Variants in XPO6 observed in about 807,000 individuals in gnomAD.
The protein encoded by XPO6 is exportin-6.
XPO6 carries 3 observed loss-of-function variants against 130.0 expected under a neutral mutation model. The observed-to-expected ratio is 0.02, with a 90% CI of 0.01 to 0.06. XPO6 has a LOEUF of 0.06. Ranked by LOEUF, XPO6 falls within the 10% of genes least tolerant of loss-of-function variation. The pLI is 1.00. For synonymous variants in XPO6, 524 were observed against 548.9 expected (o/e 0.95, Z 0.63); for missense variants, 970 against 1,393.0 (o/e 0.70, Z 4.83).
intron 6 of XPO6, among the ~76,000 whole-genome samples, chr16:28,157,008 C>T (rs751142509): frequency 6.6e-6 from 1 of 151,724 alleles, no homozygotes; most frequent in Non-Finnish European, 1.5e-5. Flanking sequence ...AAGTTGGGCA[C>T]CAAATGAAGT....
intron 5 of XPO6, 68 bp downstream of exon 5, chr16:28,169,682 G>A (rs2043418260): frequency 3.8e-6 from 6 of 1,575,266 alleles, no homozygotes; most frequent in Admixed American, 3.6e-5. Flanking sequence ...AAGCTGCTGA[G>A]TGCCAAGGCC....
intron 14 of XPO6, among the ~76,000 whole-genome samples, chr16:28,118,210 T>C (rs1384716801): frequency 6.6e-6 from 1 of 152,220 alleles, no homozygotes; most frequent in Non-Finnish European, 1.5e-5. Flanking sequence ...GGGCATTTAT[T>C]AACGACTCCT....
chr16:28,208,083 T>C (rs1477286673), intron 1 of XPO6, among the ~76,000 whole-genome samples: 1 of 151,804 alleles, frequency 6.6e-6, no homozygotes, highest in East Asian at 1.9e-4. Context: ...GAGGCAGAGG[T>C]TGCAGTGATC....
intron 1 of XPO6, among the ~76,000 whole-genome samples, chr16:28,198,896 C>A (rs899427384): frequency 1.3e-5 from 2 of 152,118 alleles, no homozygotes; most frequent in African/African-American, 2.4e-5. Flanking sequence ...GTAATCCCAG[C>A]ACTTTGGGAG....
At chr16:28,142,352 C>G (rs1567617942) in intron 9 of XPO6, among the ~76,000 whole-genome samples, 1 of 152,236 alleles carries the variant, frequency 6.6e-6, no homozygotes, top group Non-Finnish European at 1.5e-5. Flanking sequence ...TTAAGAGTCT[C>G]TCATAGTCTG....
chr16:28,106,580 A>G lies in XPO6; in HGVS notation c.2498-83T>C. On this transcript the variant is annotated intron_variant, in intron 18 of 23. Transcript: ENST00000304658. This position sits in a 1 kb window ranked among gnomAD's most constrained non-coding sequence, Gnocchi z 4.2. ...TGGGCTTCATCAACCTACTCCTGAA[A>G]TCTGCACTATCAGCTTTCTCTACAG... 9.5e-7 allele frequency: 1 copy of G among 1,047,786 alleles called. No individual in the cohort carries two copies. The highest frequency in any genetic ancestry group is 1.5e-6 in the Non-Finnish European group (1 of 681,246). 64.9% of individuals were successfully genotyped at this position (1,047,786 alleles called of 1,614,324 possible).
In XPO6 at chr16:28,201,500, G is replaced by C. The variant is rs532381771; in HGVS notation, c.3+9866C>G. Among the ~76,000 whole-genome samples the C allele has an allele frequency of 2.5e-4, 38 of 152,248 alleles. No homozygotes were observed. In the Middle Eastern group the frequency reaches 0.01, roughly 41 times the overall value. ...TGGAGTGGGAAGGAGGAGGAGTGGG[G>C]AAGGAGGCAAGAGATCCACATTTTG... On this transcript the variant is annotated intron_variant, in intron 1 of 23. Transcript: ENST00000304658.
At chr16:28,186,672 A>ATTTTTTTTTTTT (rs35690546) in intron 1 of XPO6, among the ~76,000 whole-genome samples, 3 of 140,856 alleles carry the variant, frequency 2.1e-5, no homozygotes, top group African/African-American at 8.1e-5. Context: ...ATTCAGCCTA[A>ATTTTTTTTTTTT]TTTTTTTTTT....
At chr16:28,125,302 C>T (rs2087367150) in intron 13 of XPO6, among the ~76,000 whole-genome samples, 1 of 152,176 alleles carries the variant, frequency 6.6e-6, no homozygotes, top group Non-Finnish European at 1.5e-5. Flanking sequence ...TCTCTTTATC[C>T]TATGAGGAAA....
intron 17 of XPO6, among the ~76,000 whole-genome samples, chr16:28,109,301 C>CTT (rs77303555): frequency 0.024 from 3,447 of 141,612 alleles, 155 homozygotes; most frequent in African/African-American, 0.086. Context: ...TTTTTCTTTT[C>CTT]TTTTTTTTTT....
chr16:28,141,041 T>G (rs2042881768), intron 9 of XPO6, among the ~76,000 whole-genome samples: 1 of 152,254 alleles, frequency 6.6e-6, no homozygotes, highest in African/African-American at 2.4e-5. Context: ...ACTAGAAAGC[T>G]GCTAGAGCTC....
intron 2 of XPO6, 32 bp from the exon 3 acceptor site, chr16:28,177,364 T>C (rs1352860712): frequency 7.4e-7 from 1 of 1,352,884 alleles, no homozygotes; most frequent in Admixed American, 1.8e-5. Context: ...AAAAGAAAGC[T>C]ATGAAAATAC....
intron 14 of XPO6, among the ~76,000 whole-genome samples, chr16:28,119,317 C>G (rs1436065342): frequency 6.6e-6 from 1 of 152,038 alleles, no homozygotes; most frequent in African/African-American, 2.4e-5. Flanking sequence ...GTGTGTCCAG[C>G]CTAGACACCA....
chr16:28,140,098 G>A (rs9927491), intron 9 of XPO6, among the ~76,000 whole-genome samples: 5 of 151,982 alleles, frequency 3.3e-5, no homozygotes, highest in African/African-American at 1.2e-4. Flanking sequence ...CAGGCGTGGT[G>A]GCGGGCACCT....
chr16:28,146,857 G>A, intron 8 of XPO6, among the ~76,000 whole-genome samples: 1 of 152,168 alleles, frequency 6.6e-6, no homozygotes, highest in East Asian at 1.9e-4. Flanking sequence ...AGTCTTTGTA[G>A]GATCCTAGTA....
chr16:28,127,575 A>G (rs1340351283), intron 12 of XPO6, among the ~76,000 whole-genome samples: 1 of 152,194 alleles, frequency 6.6e-6, no homozygotes, highest in Admixed American at 6.5e-5. Flanking sequence ...GAATACTGGC[A>G]TGTATTACTG....
At chr16:28,201,803 C>A (rs910130516) in intron 1 of XPO6, among the ~76,000 whole-genome samples, 1 of 152,042 alleles carries the variant, frequency 6.6e-6, no homozygotes, top group Non-Finnish European at 1.5e-5. Context: ...TGTAGTGAGT[C>A]GAGATCACAC....
At position 28,138,228 on chromosome 16, in the gene XPO6, T is replaced by C. The variant is rs965505493; in HGVS notation, c.1335-2904A>G. Among the ~76,000 whole-genome samples the C allele has an allele frequency of 3.3e-5, 5 of 152,284 alleles. No homozygotes were observed. In the East Asian group the frequency reaches 7.7e-4, roughly 23 times the overall value. ...CTAGAGTTTATGTTTTTGCCTTTGT[T>C]CAAGACATAAATTTCTAAAGTTACA... On this transcript the variant is annotated intron_variant, in intron 9 of 23. Coordinates refer to ENST00000304658, the MANE Select transcript of XPO6 (RefSeq NM_015171.4).
intron 23 of XPO6, among the ~76,000 whole-genome samples, chr16:28,100,540 G>A (rs1026673481): frequency 2.0e-5 from 3 of 152,354 alleles, no homozygotes; most frequent in South Asian, 2.1e-4. Flanking sequence ...GAAAGCAGGC[G>A]GCCAGGTTTG....
Sources: gnomAD v4.1 joint callset for allele counts (sites outside exome capture counted in the v4.1 genomes callset) on GRCh38, gnomAD v4.1.1 for gene constraint, Gnocchi (gnomAD v3.1) non-coding constraint, MANE v1.5 for transcripts, NCBI Gene and HGNC (gene_info 2026-07-23, HGNC 2026-07-21) for gene names.